TADA1: variants seen among roughly 807,000 people sequenced by gnomAD.
TADA1 encodes transcriptional adaptor 1, also known as transcriptional adapter 1.
Under a neutral mutation model 39.3 loss-of-function variants are expected in TADA1, and 23 were observed. The ratio of observed to expected loss-of-function variants is 0.58; its 90% confidence interval spans 0.42 to 0.83. The LOEUF (loss-of-function observed/expected upper bound fraction) is 0.83, where lower values mean the gene tolerates loss of function less well. Ranked by LOEUF, TADA1 falls within the 40% of genes least tolerant of loss-of-function variation. The pLI is 0.00. For synonymous variants in TADA1, 137 were observed against 151.8 expected (o/e 0.90, Z 0.72); for missense variants, 352 against 408.1 (o/e 0.86, Z 1.18).
chr1:166,863,885 G>C lies in TADA1; in HGVS notation c.269C>G (p.Ala90Gly). The change falls in exon 4 of 8, where the codon GCA becomes GGA. Residue 90 changes from alanine (A) to glycine (G), a missense_variant. Coordinates refer to ENST00000367874, the MANE Select transcript of TADA1 (RefSeq NM_053053.4). ...AGSLPWPGGS[A>G]AKPGKPKGKK... ...TCCCTTGGGTTTTCCAGGTTTTGCT[G>C]CGGAACCCCCTGGCCAAGGCAAAGA... is the stretch of plus-strand genomic sequence containing the variant. 1 of 1,611,536 alleles carries C rather than the reference G, an allele frequency of 6.2e-7. No individual in the cohort carries two copies.
chr1:166,869,664 A>T, intron 2 of TADA1, 99 bp downstream of exon 2: 5 of 1,488,030 alleles, frequency 3.4e-6, no homozygotes, highest in Non-Finnish European at 3.7e-6. Flanking sequence ...CTTATACACC[A>T]CAAAACCAAA....
chr1:166,876,051 G>A, intron 1 of TADA1, 109 bp downstream of exon 1: 4 of 1,107,580 alleles, frequency 3.6e-6, no homozygotes, highest in Non-Finnish European at 5.0e-6. Flanking sequence ...GCGGACTCCA[G>A]GCTGCACAGG....
chr1:166,875,658 G>C (rs1376824807), intron 1 of TADA1, among the ~76,000 whole-genome samples: 3 of 152,248 alleles, frequency 2.0e-5, no homozygotes, highest in African/African-American at 4.8e-5. Context: ...TCACCAGAGG[G>C]TCCGTCTGCC....
At chr1:166,872,969 T>C (rs1658687709) in intron 1 of TADA1, among the ~76,000 whole-genome samples, 1 of 152,146 alleles carries the variant, frequency 6.6e-6, no homozygotes, top group African/African-American at 2.4e-5. Flanking sequence ...TAAAGAATAT[T>C]AAATAACATA....
chr1:166,864,508 G>A (rs576755237), intron 3 of TADA1, among the ~76,000 whole-genome samples: 1 of 152,154 alleles, frequency 6.6e-6, no homozygotes, highest in Non-Finnish European at 1.5e-5. Context: ...CCTGGATTGG[G>A]AGAATGTGAG....
chr1:166,864,921 G>A (rs1245475607), intron 3 of TADA1, among the ~76,000 whole-genome samples: 1 of 152,144 alleles, frequency 6.6e-6, no homozygotes, highest in Non-Finnish European at 1.5e-5. Context: ...CTCTGTATAT[G>A]GGAATTTGGG....
At chr1:166,871,436 G>A (rs1185721591) in intron 1 of TADA1, among the ~76,000 whole-genome samples, 2 of 152,198 alleles carry the variant, frequency 1.3e-5, no homozygotes, top group Admixed American at 6.5e-5. Flanking sequence ...CCCTCTGTGT[G>A]TGGATTAGCT....
intron 5 of TADA1, 88 bp downstream of exon 5, chr1:166,862,115 G>C (rs1007132199): frequency 1.6e-6 from 2 of 1,264,344 alleles, no homozygotes; most frequent in Non-Finnish European, 2.3e-6. Context: ...GTGACATTTG[G>C]ATTCTTTTCT....
intron 5 of TADA1, among the ~76,000 whole-genome samples, chr1:166,861,813 G>A (rs1254367463): frequency 6.6e-6 from 1 of 152,176 alleles, no homozygotes; most frequent in Non-Finnish European, 1.5e-5. Flanking sequence ...CCAGCACCTT[G>A]GGAGGCCAAG....
intron 1 of TADA1, among the ~76,000 whole-genome samples, chr1:166,875,922 T>A (rs1042858394): frequency 2.6e-5 from 4 of 151,954 alleles, no homozygotes; most frequent in Non-Finnish European, 1.5e-5. Flanking sequence ...GGGCAGACAG[T>A]CCCGAGCAAC....
rs755213525 is a variant in TADA1, at chr1:166,857,764, CTT to C, written c.856-47_856-46del. ...GCATGTCCAATTATACTTGAGTAGA[CTT>C]ATTTTTCTGACATATAAAAGGGTTT... On this transcript the variant is annotated intron_variant, in intron 7 of 7. Coordinates refer to ENST00000367874, the MANE Select transcript of TADA1 (RefSeq NM_053053.4). The C allele has an allele frequency of 3.1e-6, 5 of 1,588,980 alleles. No individual in the cohort carries two copies. The South Asian group carries it at 3.4e-5, about 11-fold the overall frequency.
chr1:166,860,344 A>G lies in TADA1; in HGVS notation c.541-7T>C, dbSNP rs781291164. The stretch of plus-strand genomic sequence containing the variant: ...GTATATCTTTAAGGTGATTCTGTAA[A>G]CATACAAAAAGAAAAATAGCATGAT... On this transcript the variant is annotated splice_polypyrimidine_tract_variant and splice_region_variant and intron_variant, in intron 5 of 7. Coordinates refer to ENST00000367874, the MANE Select transcript of TADA1 (RefSeq NM_053053.4). The G allele has an allele frequency of 1.3e-6, 2 of 1,579,090 alleles. No homozygotes were observed. The highest frequency in any genetic ancestry group is 3.8e-5 in the Admixed American group (2 of 52,182).
At chr1:166,863,519 T>C (rs1327742638) in intron 4 of TADA1, among the ~76,000 whole-genome samples, 1 of 152,146 alleles carries the variant, frequency 6.6e-6, no homozygotes, top group African/African-American at 2.4e-5. Context: ...GACAGATGTC[T>C]TCATCCAAGA....
chr1:166,862,148 A>C, intron 5 of TADA1, 55 bp downstream of exon 5: 1 of 1,539,868 alleles, frequency 6.5e-7, no homozygotes, highest in Non-Finnish European at 9.0e-7. Context: ...TTTAAACAAC[A>C]CACAAGCCTA....
chr1:166,871,528 T>C (rs1658660969), intron 1 of TADA1, among the ~76,000 whole-genome samples: 1 of 152,192 alleles, frequency 6.6e-6, no homozygotes, highest in Non-Finnish European at 1.5e-5. Flanking sequence ...ATGTTTGTTG[T>C]TGTTGTTGTT....
Position 166,869,506 on chromosome 1 carries a change from A to C in TADA1, c.171T>G (p.His57Gln). Residue 57 changes from histidine to glutamine, a missense_variant, in exon 3 of 8, where the codon CAT becomes CAG. Around this residue, in one of 3 missense-constraint regions of TADA1, gnomAD observed 36 missense variants for 72.0 expected, o/e 0.50. Transcript: ENST00000367874. ...AHRLLTQDNV[H>Q]SHNDFLLAIL... ...TGGCCAGGAGGAAATCATTGTGAGA[A>C]TGGACTGAAAAAGGAAAGATAGTGA... The C allele has an allele frequency of 6.2e-7, 1 of 1,613,664 alleles. No homozygotes were observed. Among genetic ancestry groups the C allele is most frequent in the Non-Finnish European group, 8.5e-7 (1 of 1,179,654 alleles).
At chr1:166,873,122 T>A (rs1658690618) in intron 1 of TADA1, among the ~76,000 whole-genome samples, 1 of 151,888 alleles carries the variant, frequency 6.6e-6, no homozygotes, top group South Asian at 2.1e-4. Flanking sequence ...AATACAAAAA[T>A]GAGTCGGACA....
intron 1 of TADA1, 76 bp downstream of exon 1, chr1:166,876,084 C>G: frequency 7.0e-7 from 1 of 1,426,200 alleles, no homozygotes; most frequent in East Asian, 2.7e-5. Context: ...GCGGGCGTCT[C>G]CGGGGCGGGC....
chr1:166,875,542 T>G (rs1379649684), intron 1 of TADA1, among the ~76,000 whole-genome samples: 1 of 152,246 alleles, frequency 6.6e-6, no homozygotes, highest in African/African-American at 2.4e-5. Flanking sequence ...TGTACCTATC[T>G]CACATCTGTT....
Sources: gnomAD v4.1 joint callset for allele counts (sites outside exome capture counted in the v4.1 genomes callset) on GRCh38, gnomAD v4.1.1 for gene constraint, gnomAD v4.1.1 regional missense constraint, MANE v1.5 for transcripts, NCBI Gene and HGNC (gene_info 2026-07-23, HGNC 2026-07-21) for gene names.